EPS15L1: variants seen among roughly 807,000 people sequenced by gnomAD.
EPS15L1 encodes the protein epidermal growth factor receptor pathway substrate 15 like 1.
A neutral mutation model predicts 117.1 loss-of-function variants in EPS15L1; 43 were observed. The observed-to-expected ratio is 0.37, with a 90% CI of 0.29 to 0.47. The LOEUF (loss-of-function observed/expected upper bound fraction) is 0.47. EPS15L1 is among the 20% of genes least tolerant of loss of function. The pLI, the probability that EPS15L1 is intolerant of heterozygous loss-of-function variation, is 0.99. For synonymous variants in EPS15L1, 459 were observed against 470.5 expected (o/e 0.98, Z 0.32); for missense variants, 981 against 1,164.0 (o/e 0.84, Z 2.29).
At chr19:16,424,700 G>A (rs986238217) in intron 9 of EPS15L1, among the ~76,000 whole-genome samples, 3 of 151,786 alleles carry the variant, frequency 2.0e-5, no homozygotes, top group Non-Finnish European at 4.4e-5. Flanking sequence ...CGCTCTTGTT[G>A]CCCAGGCTGG....
At chr19:16,367,227 T>C (rs1430909707) in intron 22 of EPS15L1, among the ~76,000 whole-genome samples, 3 of 151,100 alleles carry the variant, frequency 2.0e-5, no homozygotes, top group Non-Finnish European at 3.0e-5. Context: ...ATCCTAGATA[T>C]TTGCAGCGGG....
At chr19:16,386,966 A>C (rs2144749123) in intron 19 of EPS15L1, among the ~76,000 whole-genome samples, 1 of 152,344 alleles carries the variant, frequency 6.6e-6, no homozygotes, top group East Asian at 1.9e-4. Context: ...ATTTCTAAAC[A>C]TATAAAGAAC....
At chr19:16,384,825 G>A (rs923425563) in intron 21 of EPS15L1, among the ~76,000 whole-genome samples, 2 of 152,156 alleles carry the variant, frequency 1.3e-5, no homozygotes, top group African/African-American at 4.8e-5. Flanking sequence ...TGTGCCCAAC[G>A]CCTTCTCAAG....
chr19:16,390,107 C>A (rs552914879), intron 19 of EPS15L1, among the ~76,000 whole-genome samples: 9 of 151,928 alleles, frequency 5.9e-5, no homozygotes, highest in Admixed American at 4.6e-4. Flanking sequence ...AAAAAGCAAG[C>A]CCCAACACTA....
At chr19:16,361,445 C>T (rs2092049496) in intron 23 of EPS15L1, 1 of 413,064 alleles carries the variant, frequency 2.4e-6, no homozygotes, top group African/African-American at 2.2e-5. Flanking sequence ...TGTTTGACAT[C>T]TTGGCTTCCA....
chr19:16,384,731 G>C (rs889108666), intron 21 of EPS15L1, among the ~76,000 whole-genome samples: 2 of 152,174 alleles, frequency 1.3e-5, no homozygotes, highest in African/African-American at 4.8e-5. Context: ...TCTGTCACAT[G>C]GGCGACTCTG....
rs533944033 is a variant in EPS15L1, at chr19:16,430,907, G to A, written c.499-2146C>T. Among the ~76,000 whole-genome samples the A allele has an allele frequency of 3.3e-5, 5 of 152,210 alleles. No homozygotes were observed. The East Asian group carries it at 9.6e-4, about 29-fold the overall frequency. On this transcript the variant is annotated intron_variant, in intron 7 of 23. Coordinates refer to ENST00000455140, the MANE Select transcript of EPS15L1 (RefSeq NM_001258374.3). ...ACAGATGAATGGATCATAGGGATGC[G>A]GAGGGACATGGGTGCATAGATGCAT...
At chr19:16,358,297 A>G (rs952942010) in intron 23 of EPS15L1, 20 of 153,092 alleles carry the variant, frequency 1.3e-4, no homozygotes, top group African/African-American at 3.6e-4. Flanking sequence ...TGAGGTCTGT[A>G]TGCACTTAGG....
At chr19:16,434,664 T>C in intron 6 of EPS15L1, 174 bp from the exon 7 acceptor site, 1 of 638,618 alleles carries the variant, frequency 1.6e-6, no homozygotes, top group Non-Finnish European at 2.6e-6. Flanking sequence ...AGTGAACATA[T>C]ACCCTGAAGG....
rs2092124228 is a variant in EPS15L1, at chr19:16,365,691, GC to G, written c.2381-3708del. 6.6e-6 allele frequency among the ~76,000 whole-genome samples: 1 copy of G among 152,204 alleles called. No individual in the cohort carries two copies. The highest frequency in any genetic ancestry group is 1.5e-5 in the Non-Finnish European group (1 of 68,026). On this transcript the variant is annotated intron_variant, in intron 22 of 23. Coordinates refer to ENST00000455140, the MANE Select transcript of EPS15L1 (RefSeq NM_001258374.3). The surrounding 1 kb of genome is among the most constrained non-coding windows in gnomAD (Gnocchi z 4.9). ...GTCCCTCGAGCCCCTGCCTGCTTCT[GC>G]CCAGCTTCTCCCTCCACGGGAAAGC...
At chr19:16,413,732 T>C (rs1431411114) in intron 13 of EPS15L1, 41 bp downstream of exon 13, 1 of 1,549,962 alleles carries the variant, frequency 6.5e-7, no homozygotes, top group Admixed American at 1.7e-5. Flanking sequence ...GAACTACATT[T>C]AGCACAAAGT....
chr19:16,377,029 T>A (rs1340029013), intron 22 of EPS15L1, 93 bp downstream of exon 22: 3 of 1,454,910 alleles, frequency 2.1e-6, no homozygotes, highest in African/African-American at 1.4e-5. Flanking sequence ...CCACGGCATC[T>A]GCTGCTACTC....
chr19:16,421,920 A>T (rs532133358), intron 9 of EPS15L1, among the ~76,000 whole-genome samples: 15 of 152,324 alleles, frequency 9.8e-5, no homozygotes, highest in Non-Finnish European at 1.6e-4. Context: ...CCCTACAGGC[A>T]GCCAAAGTGT....
At chr19:16,380,482 G>A (rs1237822129) in intron 21 of EPS15L1, among the ~76,000 whole-genome samples, 1 of 151,842 alleles carries the variant, frequency 6.6e-6, no homozygotes, top group Admixed American at 6.6e-5. Context: ...ACACAGACAT[G>A]GCCCTCTAAG....
rs760593205 is a variant in EPS15L1 at position 16,442,151 on chromosome 19, A to G, written c.75+27T>C. On this transcript the variant is annotated intron_variant, in intron 2 of 23. Coordinates refer to ENST00000455140, the MANE Select transcript of EPS15L1 (RefSeq NM_001258374.3). ...TTCAGCTCAGGCATGCTCTAGTTCC[A>G]TCTGAAGAGACATCAGCTAAACTTA... 4 of 1,602,778 alleles carry G rather than the reference A, an allele frequency of 2.5e-6. No individual in the cohort carries two copies. The South Asian group carries it at 4.4e-5, about 18-fold the overall frequency.
chr19:16,380,707 T>C (rs1365308346), intron 21 of EPS15L1, among the ~76,000 whole-genome samples: 1 of 152,230 alleles, frequency 6.6e-6, no homozygotes, highest in Non-Finnish European at 1.5e-5. Flanking sequence ...TCTGAGGCTC[T>C]GGCATCTAGT....
chr19:16,442,881 C>G (rs1040611575), intron 1 of EPS15L1, among the ~76,000 whole-genome samples: 5 of 152,218 alleles, frequency 3.3e-5, no homozygotes, highest in African/African-American at 1.2e-4. Flanking sequence ...ACTTCCCCAT[C>G]TAGGGTCACG....
chr19:16,434,556 C>G (rs2092960825), intron 6 of EPS15L1, 66 bp from the exon 7 acceptor site: 2 of 1,547,784 alleles, frequency 1.3e-6, no homozygotes, highest in Non-Finnish European at 8.7e-7. Flanking sequence ...AGACCGAGCT[C>G]TGACCGAAAG....
intron 1 of EPS15L1, among the ~76,000 whole-genome samples, chr19:16,468,884 G>C (rs993636006): frequency 1.3e-5 from 2 of 152,214 alleles, no homozygotes; most frequent in African/African-American, 4.8e-5. Flanking sequence ...GGTATGATTG[G>C]TGCTGCGCTC....
Sources: allele counts gnomAD v4.1 joint callset (sites outside exome capture counted in the v4.1 genomes callset), GRCh38; gene constraint gnomAD v4.1.1; non-coding constraint Gnocchi (gnomAD v3.1); transcripts MANE v1.5; gene names NCBI Gene and HGNC (gene_info 2026-07-23, HGNC 2026-07-21).